The following MMP26 variants were observed in gnomAD, a reference collection of about 807,000 sequenced individuals.
MMP26 encodes the protein matrix metallopeptidase 26.
MMP26 carries 33 observed loss-of-function variants against 31.0 expected under a neutral mutation model. The observed-to-expected ratio is 1.06, with a 90% CI of 0.81 to 1.42. The LOEUF is 1.42. Ranked by LOEUF, MMP26 falls within the 40% of genes most tolerant of loss-of-function variation. The probability of loss-of-function intolerance (pLI) is 0.00; values close to 1 mark genes in which losing one functional copy is unlikely to be tolerated. For missense variants in MMP26, 347 were observed against 316.1 expected (o/e 1.10, Z -0.74); for synonymous variants, 122 against 114.9 (o/e 1.06, Z -0.40).
intron 2 of MMP26, among the ~76,000 whole-genome samples, chr11:4,940,386 T>C (rs1458496511): frequency 6.6e-6 from 1 of 152,186 alleles, no homozygotes; most frequent in African/African-American, 2.4e-5. Flanking sequence ...CACGACATCT[T>C]ATTTTTCTTG....
At chr11:4,899,157 A>G (rs1405705896) in intron 2 of MMP26, among the ~76,000 whole-genome samples, 1 of 152,190 alleles carries the variant, frequency 6.6e-6, no homozygotes, top group Non-Finnish European at 1.5e-5. Context: ...CTGTATTCCC[A>G]TAGCAGCCCC....
At chr11:4,944,197 T>C in intron 2 of MMP26, 1 of 417,768 alleles carries the variant, frequency 2.4e-6, no homozygotes, top group South Asian at 1.7e-5. Flanking sequence ...TTTTCTACAC[T>C]AGGATAGGTT....
chr11:4,910,595 C>T (rs1850975847), intron 2 of MMP26, among the ~76,000 whole-genome samples: 1 of 151,980 alleles, frequency 6.6e-6, no homozygotes, highest in Non-Finnish European at 1.5e-5. Context: ...CAAACTTATA[C>T]CTCAATTTTA....
chr11:4,875,746 A>G (rs991893555), intron 2 of MMP26: 4 of 152,152 alleles, frequency 2.6e-5, no homozygotes, highest in Non-Finnish European at 5.9e-5. Flanking sequence ...ACTATATATG[A>G]AAATTCCCTT....
At chr11:4,859,929 A>G (rs1850120186) in intron 2 of MMP26, 1 of 470,994 alleles carries the variant, frequency 2.1e-6, no homozygotes, top group African/African-American at 2.0e-5. Flanking sequence ...TGAGGAGAAC[A>G]TCGAGCCCCA....
chr11:4,895,325 A>G (rs1850684212), intron 2 of MMP26, among the ~76,000 whole-genome samples: 1 of 152,306 alleles, frequency 6.6e-6, no homozygotes, highest in East Asian at 1.9e-4. Flanking sequence ...ACTTGAAACC[A>G]TAACGTCATC....
chr11:4,789,478 T>A (rs12785245), intron 2 of MMP26, among the ~76,000 whole-genome samples: 13,027 of 150,282 alleles, frequency 0.087, 786 homozygotes, highest in Middle Eastern at 0.15. Context: ...TAGGTTATCA[T>A]GTATTTTACC....
rs1846380879 is a variant in MMP26 at position 4,952,209 on chromosome 11, A to G, written c.-144-35859A>G. Among the ~76,000 whole-genome samples, 2 of 124,630 alleles carry G rather than the reference A, an allele frequency of 1.6e-5. 1 individual carries two copies. The highest frequency in any genetic ancestry group is 3.6e-5 in the Non-Finnish European group (2 of 54,978). The allele number at this position is 124,630 out of a possible 152,430, so 81.8% of individuals were successfully genotyped here. ...TTATTTTTCATTTTATTTTATTAAG[A>G]CTGCCCAAAACCCCAAAAATACAGA... On this transcript the variant is annotated intron_variant, in intron 2 of 7. Transcript: ENST00000380390.
chr11:4,737,507 G>A (rs1324833173), intron 1 of MMP26, among the ~76,000 whole-genome samples: 1 of 152,208 alleles, frequency 6.6e-6, no homozygotes, highest in Non-Finnish European at 1.5e-5. Flanking sequence ...GCCTGGCGTG[G>A]TGGTGCATGC....
At chr11:4,916,154 T>A (rs202042830) in intron 2 of MMP26, among the ~76,000 whole-genome samples, 3 of 146,634 alleles carry the variant, frequency 2.0e-5, no homozygotes, top group African/African-American at 2.5e-5. Flanking sequence ...CAGTCTCTAC[T>A]AAAAAAAAAA....
intron 2 of MMP26, among the ~76,000 whole-genome samples, chr11:4,786,016 G>GT (rs1485415973): frequency 1.3e-5 from 2 of 152,126 alleles, no homozygotes; most frequent in Non-Finnish European, 2.9e-5. Context: ...TTTTCTCAAA[G>GT]TTCTCCCTTT....
intron 2 of MMP26, among the ~76,000 whole-genome samples, chr11:4,932,917 A>G (rs1851370967): frequency 6.6e-6 from 1 of 152,172 alleles, no homozygotes; most frequent in African/African-American, 2.4e-5. Flanking sequence ...CATTATAAAA[A>G]TAAAAGTTCA....
chr11:4,915,548 A>G, intron 2 of MMP26: 3 of 1,614,116 alleles, frequency 1.9e-6, no homozygotes, highest in Non-Finnish European at 2.5e-6. Flanking sequence ...AACCAGATAC[A>G]TGAAGCACAG....
In MMP26 at chr11:4,807,582, A is replaced by G. The variant is rs113169020; in HGVS notation, c.-145+40241A>G. Among the ~76,000 whole-genome samples, 644 of 131,446 alleles carry G rather than the reference A, an allele frequency of 4.9e-3. 4 individuals carry two copies. Among genetic ancestry groups the G allele is most frequent in the African/African-American group, 0.016 (576 of 34,994 alleles). 86.2% of individuals were successfully genotyped at this position (131,446 alleles called of 152,430 possible). A position where few individuals can be genotyped will look rare whatever the true frequency, so the allele number is the denominator to read the frequency against. ...AGTTGAACAACGAGAACACATGGATACAGGGTGGGGAACATCACACACTGG... is the reference window on the plus strand; with the variant it reads ...AGTTGAACAACGAGAACACATGGATGCAGGGTGGGGAACATCACACACTGG... On this transcript the variant is annotated intron_variant, in intron 2 of 7. Transcript: ENST00000380390.
intron 2 of MMP26, chr11:4,875,648 G>T (rs1287237943): frequency 1.3e-5 from 2 of 152,018 alleles, no homozygotes; most frequent in Non-Finnish European, 2.9e-5. Flanking sequence ...AGTGACAAAG[G>T]TTATTCATTT....
At chr11:4,989,098 A>G (rs544311141) in intron 3 of MMP26, among the ~76,000 whole-genome samples, 42 of 152,228 alleles carry the variant, frequency 2.8e-4, no homozygotes, top group Admixed American at 9.2e-4. Context: ...TTACAATACA[A>G]TGTGCTTTTT....
At chr11:4,814,378 C>G (rs1434972828) in intron 2 of MMP26, among the ~76,000 whole-genome samples, 3 of 151,862 alleles carry the variant, frequency 2.0e-5, no homozygotes, top group Non-Finnish European at 4.4e-5. Flanking sequence ...CAAAATTGGC[C>G]TCACTTAAGC....
intron 2 of MMP26, chr11:4,944,184 G>A (rs183809467): frequency 1.0e-4 from 43 of 423,604 alleles, no homozygotes; most frequent in African/African-American, 8.7e-4. Flanking sequence ...TCTGATGATA[G>A]GATTTTCTAC....
chr11:4,886,295 C>G (rs1347485663), intron 2 of MMP26, among the ~76,000 whole-genome samples: 1 of 152,068 alleles, frequency 6.6e-6, no homozygotes, highest in East Asian at 1.9e-4. Flanking sequence ...ACTGCCTGGG[C>G]TGAGATTTAA....
Sources: allele counts gnomAD v4.1 joint callset (sites outside exome capture counted in the v4.1 genomes callset), GRCh38; gene constraint gnomAD v4.1.1; transcripts MANE v1.5; gene names NCBI Gene and HGNC (gene_info 2026-07-23, HGNC 2026-07-21).